Variants in CADPS observed in about 807,000 individuals in gnomAD.
The protein encoded by CADPS is calcium-dependent secretion activator 1.
CADPS carries 57 observed loss-of-function variants against 167.3 expected under a neutral mutation model. The ratio of observed to expected loss-of-function variants is 0.34; its 90% confidence interval spans 0.28 to 0.42. The LOEUF (loss-of-function observed/expected upper bound fraction) is 0.42, where lower values mean the gene tolerates loss of function less well. CADPS is among the 20% of genes least tolerant of loss of function. CADPS has a pLI of 1.00. For synonymous variants in CADPS, 676 were observed against 635.3 expected (o/e 1.06, Z -0.96); for missense variants, 1,414 against 1,738.1 (o/e 0.81, Z 3.32).
intron 10 of CADPS, among the ~76,000 whole-genome samples, chr3:62,556,602 G>C (rs2078184656): frequency 6.6e-6 from 1 of 152,044 alleles, no homozygotes; most frequent in Admixed American, 6.6e-5. Context: ...GTTGGTGCTT[G>C]TTGTTCATTA....
intron 3 of CADPS, among the ~76,000 whole-genome samples, chr3:62,725,542 T>C (rs1308741233): frequency 6.6e-6 from 1 of 152,142 alleles, no homozygotes; most frequent in African/African-American, 2.4e-5. Flanking sequence ...AACAACTCAG[T>C]TTCCTCAACC....
chr3:62,426,449 G>A (rs547159949), intron 28 of CADPS, among the ~76,000 whole-genome samples: 26 of 152,208 alleles, frequency 1.7e-4, no homozygotes, highest in African/African-American at 5.3e-4. Flanking sequence ...GCGCCCGGCC[G>A]TGTGTTGGTT....
intron 1 of CADPS, among the ~76,000 whole-genome samples, chr3:62,863,964 G>A (rs2035417286): frequency 1.3e-5 from 2 of 152,180 alleles, no homozygotes; most frequent in Admixed American, 6.5e-5. Context: ...ATGCCATGGA[G>A]GTCAATGCTC....
intron 13 of CADPS, among the ~76,000 whole-genome samples, chr3:62,526,259 C>T (rs17066518): frequency 0.096 from 14,618 of 152,100 alleles, 1,130 homozygotes; most frequent in African/African-American, 0.21. Context: ...GAGCACACTG[C>T]CAGAGATTTT....
intron 3 of CADPS, among the ~76,000 whole-genome samples, chr3:62,747,167 T>C (rs2081640013): frequency 6.6e-6 from 1 of 152,236 alleles, no homozygotes; most frequent in Non-Finnish European, 1.5e-5. Context: ...AAAGTATGCT[T>C]CTAAATAAAA....
intron 3 of CADPS, among the ~76,000 whole-genome samples, chr3:62,663,489 T>A (rs1274797387): frequency 1.3e-5 from 2 of 152,088 alleles, no homozygotes; most frequent in African/African-American, 4.8e-5. Context: ...ATAAAATGGT[T>A]TTTATTCCTC....
At chr3:62,418,075 A>G (rs1235537394) in intron 28 of CADPS, among the ~76,000 whole-genome samples, 1 of 152,120 alleles carries the variant, frequency 6.6e-6, no homozygotes, top group Non-Finnish European at 1.5e-5. Flanking sequence ...TAAGCAGTGT[A>G]TATGACTTAA....
chr3:62,521,495 G>C (rs2070580927), intron 13 of CADPS, among the ~76,000 whole-genome samples: 1 of 152,140 alleles, frequency 6.6e-6, no homozygotes, highest in South Asian at 2.1e-4. Context: ...AAAATATTTG[G>C]GGGTGATTCT....
intron 28 of CADPS, among the ~76,000 whole-genome samples, chr3:62,434,172 A>G (rs1443397056): frequency 6.6e-6 from 1 of 152,136 alleles, no homozygotes; most frequent in African/African-American, 2.4e-5. Context: ...ATATTCTCTT[A>G]CTTTAAATCT....
intron 5 of CADPS, among the ~76,000 whole-genome samples, chr3:62,646,353 G>A: frequency 6.6e-6 from 1 of 151,202 alleles, no homozygotes; most frequent in South Asian, 2.1e-4. Context: ...TGTATTTTTA[G>A]TAGAGACAGA....
chr3:62,495,371 A>G (rs1179919025), intron 18 of CADPS, among the ~76,000 whole-genome samples: 1 of 152,248 alleles, frequency 6.6e-6, no homozygotes, highest in Non-Finnish European at 1.5e-5. Context: ...CAATTAAATG[A>G]ACAGAATCTG....
At chr3:62,599,706 T>A (rs9853059) in intron 6 of CADPS, among the ~76,000 whole-genome samples, 1 of 36,112 alleles carries the variant, frequency 2.8e-5, no homozygotes, top group Admixed American at 5.0e-4. Context: ...ATATATATAT[T>A]ATATAATATA....
At chr3:62,723,715 G>T (rs1217115605) in intron 3 of CADPS, among the ~76,000 whole-genome samples, 1 of 152,214 alleles carries the variant, frequency 6.6e-6, no homozygotes, top group Non-Finnish European at 1.5e-5. Context: ...AGATGAAGTG[G>T]AACCCTTGCT....
Position 62,874,570 on chromosome 3 carries a change from G to T in CADPS, c.441+19C>A, listed in dbSNP as rs1370490051. 1 of 1,535,278 alleles carries T rather than the reference G, an allele frequency of 6.5e-7. No individual in the cohort carries two copies. The highest frequency in any genetic ancestry group is 2.0e-5 in the Admixed American group (1 of 50,190). Reference sequence around the variant, plus strand: ...GCGACGTCCGGGTGCTGCTCCCTGGGCCTCCCAGGCGCACCTACCTTCTGC... The same window carrying T: ...GCGACGTCCGGGTGCTGCTCCCTGGTCCTCCCAGGCGCACCTACCTTCTGC... On this transcript the variant is annotated intron_variant, in intron 1 of 29. Transcript: ENST00000383710. The surrounding 1 kb of genome is among the most constrained non-coding windows in gnomAD (Gnocchi z 7.1).
chr3:62,553,379 T>C (rs889276730), intron 10 of CADPS, among the ~76,000 whole-genome samples: 1 of 152,206 alleles, frequency 6.6e-6, no homozygotes, highest in Non-Finnish European at 1.5e-5. Flanking sequence ...GTACTATTAT[T>C]CCATTTTACA....
At chr3:62,752,554 T>A (rs772148115) in intron 3 of CADPS, among the ~76,000 whole-genome samples, 2 of 152,228 alleles carry the variant, frequency 1.3e-5, no homozygotes, top group African/African-American at 2.4e-5. Flanking sequence ...GCATTCACTC[T>A]GTGCCAAGAT....
At chr3:62,691,505 TA>T (rs199806864) in intron 3 of CADPS, among the ~76,000 whole-genome samples, 20 of 151,610 alleles carry the variant, frequency 1.3e-4, no homozygotes, top group African/African-American at 2.7e-4. Context: ...AAGGTTTACT[TA>T]AAAAAAAATT....
At chr3:62,718,665 TC>T (rs1449278602) in intron 3 of CADPS, among the ~76,000 whole-genome samples, 1 of 152,204 alleles carries the variant, frequency 6.6e-6, no homozygotes, top group Admixed American at 6.5e-5. Context: ...TAAACTCCAG[TC>T]CTCTAAGGTT....
chr3:62,673,840 T>C (rs2075936097), intron 3 of CADPS, among the ~76,000 whole-genome samples: 1 of 152,184 alleles, frequency 6.6e-6, no homozygotes, highest in Non-Finnish European at 1.5e-5. Context: ...AATGCCTTTT[T>C]GTACTGTTAA....
Sources: allele counts gnomAD v4.1 joint callset (sites outside exome capture counted in the v4.1 genomes callset), GRCh38; gene constraint gnomAD v4.1.1; non-coding constraint Gnocchi (gnomAD v3.1); transcripts MANE v1.5; gene names NCBI Gene and HGNC (gene_info 2026-07-23, HGNC 2026-07-21).